The following LDLRAD4 variants were observed in gnomAD, a reference collection of about 807,000 sequenced individuals.
LDLRAD4 encodes the protein low density lipoprotein receptor class A domain containing 4.
In LDLRAD4, 5 loss-of-function variants were observed where a neutral mutation model predicts 17.0. The observed-to-expected ratio is 0.29, with a 90% confidence interval of 0.15 to 0.62. The LOEUF (loss-of-function observed/expected upper bound fraction) is 0.62. Among genes scored for constraint, LDLRAD4 ranks in the 20% least tolerant of loss-of-function variants. The pLI is 0.84. For missense variants in LDLRAD4, 340 were observed against 424.7 expected, an observed-to-expected ratio of 0.80 and a Z score of 1.75; for synonymous variants, 168 against 171.8, an observed-to-expected ratio of 0.98 and a Z score of 0.17.
chr18:13,220,207 A>G (rs1287368691), intron 1 of LDLRAD4, among the ~76,000 whole-genome samples: 1 of 152,242 alleles, frequency 6.6e-6, no homozygotes, highest in Non-Finnish European at 1.5e-5. Flanking sequence ...TTGACATTGA[A>G]CACAGTGTTA....
chr18:13,564,143 A>G (rs147421704), intron 3 of LDLRAD4, among the ~76,000 whole-genome samples: 1 of 152,134 alleles, frequency 6.6e-6, no homozygotes, highest in Non-Finnish European at 1.5e-5. Context: ...TGGCCTCCCA[A>G]ATTGTTGGTA....
chr18:13,501,761 G>A (rs371167733), intron 3 of LDLRAD4, among the ~76,000 whole-genome samples: 1 of 152,148 alleles, frequency 6.6e-6, no homozygotes, highest in Non-Finnish European at 1.5e-5. Context: ...CCCTCTCTCT[G>A]AGAGCCAGGG....
chr18:13,230,428 C>T (rs896050761), intron 1 of LDLRAD4, among the ~76,000 whole-genome samples: 11 of 151,996 alleles, frequency 7.2e-5, no homozygotes, highest in East Asian at 5.8e-4. Flanking sequence ...AATATTAGAA[C>T]GCATATACTT....
chr18:13,554,803 G>C (rs749609365), intron 3 of LDLRAD4, among the ~76,000 whole-genome samples: 6 of 152,274 alleles, frequency 3.9e-5, no homozygotes, highest in Middle Eastern at 3.4e-3. Flanking sequence ...CCCTCAAAGA[G>C]GGAGCCTAAC....
intron 4 of LDLRAD4, chr18:13,642,370 C>T (rs971837461): frequency 4.9e-6 from 5 of 1,026,242 alleles, no homozygotes; most frequent in Non-Finnish European, 5.8e-6. Flanking sequence ...GACAGCCACA[C>T]TCTGGGCTGA....
chr18:13,560,939 A>G (rs1174248044), intron 3 of LDLRAD4, among the ~76,000 whole-genome samples: 3 of 152,218 alleles, frequency 2.0e-5, no homozygotes, highest in Non-Finnish European at 4.4e-5. Context: ...AACAACTTCA[A>G]GCCTGTGTGA....
intron 3 of LDLRAD4, chr18:13,612,302 A>G (rs2148724048): frequency 6.7e-6 from 7 of 1,039,794 alleles, no homozygotes; most frequent in Non-Finnish European, 8.1e-6. Flanking sequence ...CTGCTCACTG[A>G]TAGACGTTGC....
chr18:13,481,884 G>C (rs545344246), intron 3 of LDLRAD4, among the ~76,000 whole-genome samples: 12 of 152,320 alleles, frequency 7.9e-5, no homozygotes, highest in Middle Eastern at 3.4e-3. Flanking sequence ...TGAGAGGTGA[G>C]TGGAGTTTGC....
chr18:13,346,941 C>T (rs756035221), intron 1 of LDLRAD4, among the ~76,000 whole-genome samples: 1 of 152,144 alleles, frequency 6.6e-6, no homozygotes, highest in Non-Finnish European at 1.5e-5. Context: ...TTCCTCCATC[C>T]CTTTATTTTG....
At chr18:13,374,425 A>G (rs2144930154) in intron 1 of LDLRAD4, among the ~76,000 whole-genome samples, 1 of 152,328 alleles carries the variant, frequency 6.6e-6, no homozygotes, top group Admixed American at 6.5e-5. Flanking sequence ...GAATCTCACT[A>G]ATTAGATGTG....
intron 1 of LDLRAD4, among the ~76,000 whole-genome samples, chr18:13,336,029 C>T (rs1438729664): frequency 6.6e-6 from 1 of 152,172 alleles, no homozygotes; most frequent in African/African-American, 2.4e-5. Flanking sequence ...AAAGCTTCCA[C>T]TCATGGCTGA....
At chr18:13,251,572 A>G (rs2043223046) in intron 1 of LDLRAD4, among the ~76,000 whole-genome samples, 1 of 152,248 alleles carries the variant, frequency 6.6e-6, no homozygotes, top group Non-Finnish European at 1.5e-5. Flanking sequence ...GTTTCTATAG[A>G]CAAACAACTA....
chr18:13,413,172 G>A (rs7239773), intron 2 of LDLRAD4, among the ~76,000 whole-genome samples: 2,365 of 152,286 alleles, frequency 0.016, 59 homozygotes, highest in African/African-American at 0.053. Context: ...TTGGCTGTAA[G>A]GAAGGTTGGA....
intron 4 of LDLRAD4, among the ~76,000 whole-genome samples, chr18:13,639,313 T>C (rs4239312): frequency 0.45 from 68,153 of 152,112 alleles, 16,794 homozygotes; most frequent in Middle Eastern, 0.56. Context: ...ACCCCCAACC[T>C]AGACAAGGGA....
Position 13,262,502 on chromosome 18 carries a change from A to G in LDLRAD4, c.-466-15603A>G, listed in dbSNP as rs1213469011. On this transcript the variant is annotated intron_variant, in intron 1 of 5. Coordinates refer to the LDLRAD4 transcript ENST00000399848. ...GTCCCGTGCGGCCCTGTGCGTGGAA[A>G]CTGAGTCCCGTGCGGCCCTGTGCGT... Among the ~76,000 whole-genome samples the G allele has an allele frequency of 3.4e-3, 127 of 37,208 alleles. 1 individual carries two copies. The highest frequency in any genetic ancestry group is 0.021 in the Middle Eastern group (1 of 48). 24.4% of individuals were successfully genotyped at this position (37,208 alleles called of 152,430 possible). A position where few individuals can be genotyped will look rare whatever the true frequency, so the allele number is the denominator to read the frequency against.
At chr18:13,563,073 T>C (rs778343123) in intron 3 of LDLRAD4, 4 of 152,228 alleles carry the variant, frequency 2.6e-5, no homozygotes, top group Non-Finnish European at 5.9e-5. Context: ...TTCTGATGAT[T>C]TAGGGACAGA....
intron 3 of LDLRAD4, among the ~76,000 whole-genome samples, chr18:13,616,525 G>T (rs1046018867): frequency 1.3e-5 from 2 of 152,134 alleles, no homozygotes; most frequent in Non-Finnish European, 2.9e-5. Flanking sequence ...GATGGGTTTT[G>T]CCCAGAGTCC....
chr18:13,229,914 G>A (rs1439273479), intron 1 of LDLRAD4, among the ~76,000 whole-genome samples: 1 of 152,176 alleles, frequency 6.6e-6, no homozygotes, highest in Non-Finnish European at 1.5e-5. Context: ...GCTTCCTGAG[G>A]GCTCAATGTA....
intron 4 of LDLRAD4, among the ~76,000 whole-genome samples, chr18:13,628,347 C>T (rs1403792472): frequency 1.3e-5 from 2 of 152,166 alleles, no homozygotes; most frequent in Admixed American, 6.5e-5. Context: ...CGCAGGGGAC[C>T]GTTTCCCTGC....
Sources: gnomAD v4.1 joint callset for allele counts (sites outside exome capture counted in the v4.1 genomes callset) on GRCh38, gnomAD v4.1.1 for gene constraint, MANE v1.5 for transcripts, NCBI Gene and HGNC (gene_info 2026-07-23, HGNC 2026-07-21) for gene names.